MROH7: variants seen among roughly 807,000 people sequenced by gnomAD.
MROH7 encodes maestro heat like repeat family member 7.
A neutral mutation model predicts 129.2 loss-of-function variants in MROH7; 113 were observed. That is an observed-to-expected ratio of 0.87 (90% CI 0.75 to 1.02). The LOEUF (loss-of-function observed/expected upper bound fraction) is 1.02, where lower values mean the gene tolerates loss of function less well. MROH7 is among the 50% of genes least tolerant of loss of function. The pLI, the probability that MROH7 is intolerant of heterozygous loss-of-function variation, is 0.00. For synonymous variants in MROH7, 655 were observed against 667.9 expected (o/e 0.98, Z 0.30); for missense variants, 1,601 against 1,671.3 (o/e 0.96, Z 0.73).
chr1:54,674,021 C>T lies in MROH7; in HGVS notation c.1806C>T (p.Pro602=), dbSNP rs373972562. 7 of 1,613,972 alleles carry T rather than the reference C, an allele frequency of 4.3e-6. No individual in the cohort carries two copies. Among genetic ancestry groups the T allele is most frequent in the Non-Finnish European group, 3.4e-6 (4 of 1,179,946 alleles). ...TAAGATTGCAATACAAACAGATGCC[C>T]TTGGGGTTCCCGGCGCTGGGGCTTC... The part of the protein sequence containing the change: ...HMLLTLPFFM[P]LGFPALGLLL... The change falls in exon 10 of 24, where the codon CCC becomes CCT. Residue 602 remains proline (P), a synonymous_variant. Coordinates refer to ENST00000421030, the MANE Select transcript of MROH7 (RefSeq NM_001039464.4).
At chr1:54,679,024 T>C (rs1038599841) in intron 11 of MROH7, among the ~76,000 whole-genome samples, 170 bp downstream of exon 11, 1 of 152,222 alleles carries the variant, frequency 6.6e-6, no homozygotes, top group African/African-American at 2.4e-5. Flanking sequence ...CCACAGTGCA[T>C]GGACTTCCTT....
chr1:54,686,351 C>A lies in MROH7; in HGVS notation c.2614C>A (p.Gln872Lys). The A allele has an allele frequency of 6.2e-7, 1 of 1,614,210 alleles. No homozygotes were observed. Among genetic ancestry groups the A allele is most frequent in the South Asian group, 1.1e-5 (1 of 91,088 alleles). The change falls in exon 15 of 24, where the codon CAG becomes AAG. Residue 872 changes from glutamine to lysine, a missense_variant. Gln to Lys is a moderately conservative substitution (Grantham distance 53). Coordinates refer to ENST00000421030, the MANE Select transcript of MROH7 (RefSeq NM_001039464.4). Reference protein sequence around the residue: ...YPQLLLALLIQVHYHIGLNLP... With the variant: ...YPQLLLALLIKVHYHIGLNLP... ...TCAGCTGCTCCTGGCCCTGCTCATT[C>A]AGGTCCATTACCACATCGGCCTCAA...
At chr1:54,654,210 C>T (rs1644605881) in intron 3 of MROH7, 53 bp downstream of exon 3, 1 of 1,481,382 alleles carries the variant, frequency 6.8e-7, no homozygotes, top group Non-Finnish European at 9.0e-7. Context: ...GGAATTCTGT[C>T]TTCAGACTCT....
intron 1 of MROH7, among the ~76,000 whole-genome samples, chr1:54,646,938 C>T (rs902310002): frequency 1.3e-5 from 2 of 152,184 alleles, no homozygotes; most frequent in Admixed American, 1.3e-4. Context: ...AGCATAATGT[C>T]TTCAAAGTTT....
chr1:54,674,341 T>C (rs532079799), intron 10 of MROH7, among the ~76,000 whole-genome samples, 190 bp downstream of exon 10: 14 of 152,202 alleles, frequency 9.2e-5, no homozygotes, highest in Non-Finnish European at 2.1e-4. Flanking sequence ...GGACAAAGGC[T>C]ACAAACAAAA....
intron 10 of MROH7, among the ~76,000 whole-genome samples, chr1:54,678,096 A>G (rs1645010458): frequency 6.6e-6 from 1 of 152,238 alleles, no homozygotes; most frequent in Non-Finnish European, 1.5e-5. Context: ...ACTCTCGTGC[A>G]CTGCTGGTGG....
At chr1:54,647,495 C>T (rs950755333) in intron 1 of MROH7, among the ~76,000 whole-genome samples, 1 of 152,004 alleles carries the variant, frequency 6.6e-6, no homozygotes, top group African/African-American at 2.4e-5. Flanking sequence ...ATCCCAGCAC[C>T]TTCGCAGGCC....
intron 21 of MROH7, 55 bp downstream of exon 21, chr1:54,702,800 A>G: frequency 1.3e-6 from 2 of 1,543,674 alleles, no homozygotes; most frequent in Non-Finnish European, 1.8e-6. Flanking sequence ...GAGGTGGCGA[A>G]TTCTGTGTCT....
intron 13 of MROH7, among the ~76,000 whole-genome samples, chr1:54,680,880 C>T (rs1421958299): frequency 6.6e-6 from 1 of 152,158 alleles, no homozygotes; most frequent in Admixed American, 6.5e-5. Context: ...ATGGTGAGGG[C>T]CCAGCTGGCA....
At chr1:54,691,878 C>T (rs1645245572) in intron 15 of MROH7, among the ~76,000 whole-genome samples, 1 of 138,848 alleles carries the variant, frequency 7.2e-6, no homozygotes. Flanking sequence ...TCTCTCTCTC[C>T]TCCCCCCCAC....
intron 16 of MROH7, among the ~76,000 whole-genome samples, chr1:54,694,493 G>T (rs1645290055): frequency 6.6e-6 from 1 of 152,142 alleles, no homozygotes; most frequent in Admixed American, 6.5e-5. Context: ...TTGAGATGGA[G>T]TCTCACTCTG....
At position 54,702,195 on chromosome 1, in the gene MROH7, T is replaced by G; in HGVS notation, c.3391T>G (p.Leu1131Val). 1 of 1,597,618 alleles carries G rather than the reference T, an allele frequency of 6.3e-7. No homozygotes were observed. Residue 1131 changes from leucine (L) to valine (V), a missense_variant, in exon 20 of 24, where the codon TTG (leucine) becomes GTG (valine). Leu to Val is a conservative substitution (Grantham distance 32). Coordinates refer to ENST00000421030, the MANE Select transcript of MROH7 (RefSeq NM_001039464.4). Reference sequence around the variant, plus strand: ...CATGGAGGAGCAGCTGGTCAGCACCTTGGTGCCCCTACTGCTGACCATGCA... The same window carrying G: ...CATGGAGGAGCAGCTGGTCAGCACCGTGGTGCCCCTACTGCTGACCATGCA... Reference protein sequence around the residue: ...QAMEEQLVSTLVPLLLTMQEG... With the variant: ...QAMEEQLVSTVVPLLLTMQEG...
At chr1:54,687,305 C>T (rs1417481694) in intron 15 of MROH7, among the ~76,000 whole-genome samples, 1 of 152,150 alleles carries the variant, frequency 6.6e-6, no homozygotes, top group Non-Finnish European at 1.5e-5. Flanking sequence ...GAACTCCTGA[C>T]CTCAGGCGAT....
chr1:54,671,116 G>A lies in MROH7; in HGVS notation c.1599+187G>A, dbSNP rs146610759. On this transcript the variant is annotated intron_variant, in intron 7 of 23. Coordinates refer to ENST00000421030, the MANE Select transcript of MROH7 (RefSeq NM_001039464.4). ...CAAATAAAGACACCCAGCTGGGCGC[G>A]GTGGCTCACACCTGTAATCCCAGCA... Among the ~76,000 whole-genome samples the A allele has an allele frequency of 6.2e-3, 945 of 152,276 alleles. 6 individuals carry two copies. Among genetic ancestry groups the A allele is most frequent in the East Asian group, 0.025 (129 of 5,182 alleles).
rs1645089103 is a variant in MROH7, at chr1:54,682,701, CTGT to C, written c.2428_2430del (p.Cys810del). On this transcript the variant is annotated inframe_deletion, in exon 14 of 24. Transcript: ENST00000421030. ...GGCAGCTGATACTGTGTAAGCCCAG[CTGT>C]GATGTCCGAGACCTCCTGGATCTGC... is the stretch of plus-strand genomic sequence containing the variant. 1 of 1,614,148 alleles carries C rather than the reference CTGT, an allele frequency of 6.2e-7. No homozygotes were observed. Among genetic ancestry groups the C allele is most frequent in the East Asian group, 2.2e-5 (1 of 44,872 alleles).
rs72669950 is a variant in MROH7, at chr1:54,686,811, G to C, written c.2711+363G>C. On this transcript the variant is annotated intron_variant, in intron 15 of 23. Coordinates refer to ENST00000421030, the MANE Select transcript of MROH7 (RefSeq NM_001039464.4). ...ATTGGAGTAGATAATATAGGCACAT[G>C]GGTAAAATACTCAAAAGACATTAAA... Among the ~76,000 whole-genome samples the C allele has an allele frequency of 1.6e-3, 245 of 152,208 alleles. 4 individuals are homozygous for C. In the Middle Eastern group the frequency reaches 0.017, roughly 11 times the overall value.
At position 54,669,948 on chromosome 1, in the gene MROH7, G is replaced by T. The variant is rs188745233; in HGVS notation, c.1390-549G>T. 1.6e-3 allele frequency among the ~76,000 whole-genome samples: 241 copies of T among 149,330 alleles called. 1 individual carries two copies. The highest frequency in any genetic ancestry group is 5.7e-3 in the African/African-American group (230 of 40,284). ...GAGCTAGGGAGGCAGAGGTTGCAGT[G>T]AGCCGAGATTGTGCCATTACACTCC... On this transcript the variant is annotated intron_variant, in intron 5 of 23. Coordinates refer to ENST00000421030, the MANE Select transcript of MROH7 (RefSeq NM_001039464.4).
At chr1:54,698,797 C>CTTTTTTTTTTT (rs202069655) in intron 17 of MROH7, 1 of 141,838 alleles carries the variant, frequency 7.1e-6, no homozygotes, top group East Asian at 2.9e-4. Context: ...AAGTTTCTTT[C>CTTTTTTTTTTT]TTTTTTTTTT....
intron 13 of MROH7, 130 bp downstream of exon 13, chr1:54,680,175 G>T (rs1420285431): frequency 2.6e-6 from 2 of 772,896 alleles, no homozygotes; most frequent in East Asian, 5.0e-5. Context: ...TGTGATCTGG[G>T]GTGTTTATGA....
Sources: gnomAD v4.1 joint callset for allele counts (sites outside exome capture counted in the v4.1 genomes callset) on GRCh38, gnomAD v4.1.1 for gene constraint, MANE v1.5 for transcripts, NCBI Gene and HGNC (gene_info 2026-07-23, HGNC 2026-07-21) for gene names.